SALL4: variants seen among roughly 807,000 people sequenced by gnomAD.
SALL4 encodes the protein sal-like protein 4.
In SALL4, 4 loss-of-function variants were observed where a neutral mutation model predicts 60.8. The ratio of observed to expected loss-of-function variants is 0.07; its 90% CI spans 0.03 to 0.15. The LOEUF is 0.15. Among genes scored for constraint, SALL4 ranks in the 10% least tolerant of loss-of-function variants. The pLI is 1.00. For synonymous variants in SALL4, 580 were observed against 574.9 expected (o/e 1.01, Z -0.13); for missense variants, 1,178 against 1,394.7 (o/e 0.84, Z 2.48).
chr20:51,784,880 C>T (rs2077981224), intron 3 of SALL4, among the ~76,000 whole-genome samples, 196 bp from the exon 4 acceptor site: 1 of 152,160 alleles, frequency 6.6e-6, no homozygotes, highest in Non-Finnish European at 1.5e-5. Flanking sequence ...GCATTTAATA[C>T]CCCTAACTAG....
intron 1 of SALL4, among the ~76,000 whole-genome samples, chr20:51,798,650 A>G (rs2078092906): frequency 6.6e-6 from 1 of 152,016 alleles, no homozygotes; most frequent in African/African-American, 2.4e-5. Flanking sequence ...AAGCCGACCA[A>G]ACTCCAACAT....
At position 51,802,272 on chromosome 20, in the gene SALL4, C is replaced by T; in HGVS notation, c.130+7G>A. 6.2e-7 allele frequency: 1 copy of T among 1,600,002 alleles called. No homozygotes were observed. Among genetic ancestry groups the T allele is most frequent in the Non-Finnish European group, 8.5e-7 (1 of 1,174,170 alleles). On this transcript the variant is annotated splice_region_variant and intron_variant, in intron 1 of 3. Transcript: ENST00000217086. The stretch of plus-strand genomic sequence containing the variant: ...CCTCCCCGGGCGGGCGCCCCAGCCC[C>T]ACTCACCCAGCTCCCCCGCCGCGGG...
chr20:51,785,425 G>T (rs1239055160), intron 3 of SALL4, among the ~76,000 whole-genome samples: 1 of 152,200 alleles, frequency 6.6e-6, no homozygotes, highest in Non-Finnish European at 1.5e-5. Flanking sequence ...TATCACTTTT[G>T]TATCATCGTA....
rs1341699855 is a variant in SALL4 at position 51,784,333 on chromosome 20, C to A, written c.3094G>T (p.Ala1032Ser). 1 of 1,614,072 alleles carries A rather than the reference C, an allele frequency of 6.2e-7. No individual in the cohort carries two copies. Among genetic ancestry groups the A allele is most frequent in the African/African-American group, 1.3e-5 (1 of 74,926 alleles). ...TGGTGTTTGGGAACGCCGTCAGTAG[C>A]ACTTGGTTTTTCCACATCTGCACTG... ...GISADVEKPS[A>S]TDGVPKHQFP... The change falls in exon 4 of 4, where the codon GCT (alanine) becomes TCT (serine). Residue 1032 changes from alanine (A) to serine (S), a missense_variant. Transcript: ENST00000217086.
chr20:51,799,856 T>G (rs2078099481), intron 1 of SALL4, among the ~76,000 whole-genome samples: 1 of 152,164 alleles, frequency 6.6e-6, no homozygotes, highest in Non-Finnish European at 1.5e-5. Context: ...CCAGACGTCA[T>G]TTTCCTCCCT....
chr20:51,793,289 C>T (rs948536314), intron 1 of SALL4, among the ~76,000 whole-genome samples: 2 of 151,898 alleles, frequency 1.3e-5, no homozygotes, highest in African/African-American at 4.8e-5. Flanking sequence ...GAGTTTGAAA[C>T]CAGCAACACA....
At chr20:51,789,189 A>C in intron 2 of SALL4, 48 bp from the exon 3 acceptor site, 1 of 1,603,316 alleles carries the variant, frequency 6.2e-7, no homozygotes. Flanking sequence ...TCCAACCTTC[A>C]TTCTTTCTCT....
At chr20:51,787,581 C>A (rs928553977) in intron 3 of SALL4, among the ~76,000 whole-genome samples, 21 of 152,134 alleles carry the variant, frequency 1.4e-4, no homozygotes, top group African/African-American at 4.1e-4. Context: ...GAAGAAGGGA[C>A]CTTACTAGCA....
chr20:51,785,030 C>T (rs1233570276), intron 3 of SALL4, among the ~76,000 whole-genome samples: 3 of 152,160 alleles, frequency 2.0e-5, no homozygotes, highest in South Asian at 4.1e-4. Flanking sequence ...AGGCCAGGCA[C>T]GGTGGCTCAC....
intron 1 of SALL4, among the ~76,000 whole-genome samples, chr20:51,800,113 C>T (rs2078100713): frequency 6.6e-6 from 1 of 152,184 alleles, no homozygotes; most frequent in Non-Finnish European, 1.5e-5. Flanking sequence ...ATTCTAGCCG[C>T]CAGGAGTTAT....
rs1457596533 is a variant in SALL4, at chr20:51,784,219, A to G, written c.*46T>C. On this transcript the variant is annotated 3_prime_UTR_variant, in exon 4 of 4. Transcript: ENST00000217086. ...GTTCTTACAAAACAAAGCAGATTCT[A>G]GAGATTTCACTGTGTCTGCATTGCT... 6.3e-7 allele frequency: 1 copy of G among 1,576,090 alleles called. No individual in the cohort carries two copies. The highest frequency in any genetic ancestry group is 8.7e-7 in the Non-Finnish European group (1 of 1,147,080).
chr20:51,797,975 C>T lies in SALL4; in HGVS notation c.130+4304G>A, dbSNP rs573539207. 5.3e-5 allele frequency among the ~76,000 whole-genome samples: 8 copies of T among 152,066 alleles called. No homozygotes were observed. In the East Asian group the frequency reaches 1.4e-3, roughly 26 times the overall value. On this transcript the variant is annotated intron_variant, in intron 1 of 3. Coordinates refer to ENST00000217086, the MANE Select transcript of SALL4 (RefSeq NM_020436.5). Reference sequence around the variant, plus strand: ...TTTTTTCATTCCTACATTTAAAGAACGACAATGAGTAGATTATCTAAAGCA... The same window carrying T: ...TTTTTTCATTCCTACATTTAAAGAATGACAATGAGTAGATTATCTAAAGCA...
chr20:51,796,236 G>GAAAAGA (rs2078079223), intron 1 of SALL4, among the ~76,000 whole-genome samples: 4 of 132,752 alleles, frequency 3.0e-5, no homozygotes, highest in Non-Finnish European at 6.6e-5. Context: ...GAAAAGAAAA[G>GAAAAGA]AAAAAAAAAA....
chr20:51,796,228 A>G (rs2078079080), intron 1 of SALL4, among the ~76,000 whole-genome samples: 1 of 148,652 alleles, frequency 6.7e-6, no homozygotes, highest in African/African-American at 2.5e-5. Flanking sequence ...GAAAGAAAGA[A>G]AAGAAAAGAA....
rs982922760 is a variant in SALL4, at chr20:51,791,012, A to G, written c.1471T>C (p.Ser491Pro). The G allele has an allele frequency of 4.4e-5, 71 of 1,614,066 alleles. No homozygotes were observed. The highest frequency in any genetic ancestry group is 5.7e-5 in the Non-Finnish European group (67 of 1,180,038). Residue 491 changes from serine (S) to proline (P), a missense_variant, in exon 2 of 4, where the codon TCG becomes CCG. Transcript: ENST00000217086. The surrounding 1 kb of genome is among the most constrained non-coding windows in gnomAD (Gnocchi z 4.6). Reference protein sequence around the residue: ...TSVGLPQNLSSGTNPKDLTGG... With the variant: ...TSVGLPQNLSPGTNPKDLTGG... ...GTGAGGTCCTTGGGATTAGTCCCCG[A>G]AGAAAGATTCTGAGGTAGCCCTACA...
Position 51,792,696 on chromosome 20 carries a change from AAAAAAAAAAAAAAGGC to A in SALL4, c.131-360_131-345del, listed in dbSNP as rs2078055829. 7.4e-6 allele frequency: 6 copies of A among 808,882 alleles called. No individual in the cohort carries two copies. In the East Asian group the frequency reaches 2.2e-4, roughly 30 times the overall value. 50.1% of individuals were successfully genotyped at this position (808,882 alleles called of 1,614,324 possible). A position where few individuals can be genotyped will look rare whatever the true frequency, so the allele number is the denominator to read the frequency against. ...AGAGCGAGACTCCATCTCAAAAAAA[AAAAAAAAAAAAAAGGC>A]AAAAAGGCTGATCCCTGAATTTCTT... On this transcript the variant is annotated intron_variant, in intron 1 of 3. Coordinates refer to ENST00000217086, the MANE Select transcript of SALL4 (RefSeq NM_020436.5).
chr20:51,790,116 G>T lies in SALL4; in HGVS notation c.2367C>A (p.Ser789=). ...TGCTTTCGGCTTGACTATTGGCCGG[G>T]GAGAGTGCCTGGAAGGATGTGGTTT... ...ILETTSFQAL[S]PANSQAESIK... is the part of the protein sequence containing the mutation. Residue 789 remains serine, a synonymous_variant, in exon 2 of 4, where the codon TCC becomes TCA. Coordinates refer to ENST00000217086, the MANE Select transcript of SALL4 (RefSeq NM_020436.5). This position sits in a 1 kb window ranked among gnomAD's most constrained non-coding sequence, Gnocchi z 5.5. The T allele has an allele frequency of 6.2e-7, 1 of 1,614,190 alleles. No individual in the cohort carries two copies. The highest frequency in any genetic ancestry group is 1.1e-5 in the South Asian group (1 of 91,082).
At position 51,790,228 on chromosome 20, in the gene SALL4, C is replaced by A; in HGVS notation, c.2255G>T (p.Gly752Val). ...NLQRQGSRENGSVESDGLTND... is the reference protein window; with the variant it reads ...NLQRQGSRENVSVESDGLTND... The stretch of plus-strand genomic sequence containing the variant: ...GGTCAAGCCATCGCTCTCCACGGAA[C>A]CGTTTTCTCTGCTGCCCTGGCGCTG... Residue 752 changes from glycine to valine, a missense_variant, in exon 2 of 4, where the codon GGT (glycine) becomes GTT (valine). Physicochemically the swap from Gly to Val is moderately radical, Grantham distance 109 (BLOSUM62 -3). Coordinates refer to ENST00000217086, the MANE Select transcript of SALL4 (RefSeq NM_020436.5). This position sits in a 1 kb window ranked among gnomAD's most constrained non-coding sequence, Gnocchi z 5.5. 6.2e-7 allele frequency: 1 copy of A among 1,614,132 alleles called. No individual in the cohort carries two copies. The highest frequency in any genetic ancestry group is 8.5e-7 in the Non-Finnish European group (1 of 1,180,034).
At chr20:51,792,449 G>T in intron 1 of SALL4, 97 bp from the exon 2 acceptor site, 1 of 1,467,974 alleles carries the variant, frequency 6.8e-7, no homozygotes, top group Non-Finnish European at 9.4e-7. Context: ...AGCACTTTGG[G>T]AGGCTGAGGT....
Sources: allele counts gnomAD v4.1 joint callset (sites outside exome capture counted in the v4.1 genomes callset), GRCh38; gene constraint gnomAD v4.1.1; non-coding constraint Gnocchi (gnomAD v3.1); transcripts MANE v1.5; gene names NCBI Gene and HGNC (gene_info 2026-07-23, HGNC 2026-07-21).